Variants in PHACTR2 observed in about 807,000 individuals in gnomAD.
The protein encoded by PHACTR2 is phosphatase and actin regulator 2.
PHACTR2 carries 30 observed loss-of-function variants against 76.0 expected under a neutral mutation model. The observed-to-expected ratio is 0.39, with a 90% CI of 0.30 to 0.54. The LOEUF is 0.54. Ranked by LOEUF, PHACTR2 falls within the 20% of genes least tolerant of loss-of-function variation. The pLI, the probability that PHACTR2 is intolerant of heterozygous loss-of-function variation, is 0.61. For missense variants in PHACTR2, 696 were observed against 781.1 expected, an observed-to-expected ratio of 0.89 and a Z score of 1.30; for synonymous variants, 292 against 292.5, an observed-to-expected ratio of 1.00 and a Z score of 0.02.
chr6:143,587,740 G>A (rs552388302), intron 1 of PHACTR2, among the ~76,000 whole-genome samples: 2 of 152,096 alleles, frequency 1.3e-5, no homozygotes, highest in Non-Finnish European at 2.9e-5. Flanking sequence ...TTGGCCGGGC[G>A]CAGTGGCTCA....
chr6:143,814,564 G>A (rs1776256345), intron 12 of PHACTR2, among the ~76,000 whole-genome samples: 4 of 141,504 alleles, frequency 2.8e-5, no homozygotes, highest in Admixed American at 2.8e-4. Flanking sequence ...GAGGTCAACT[G>A]TATATACGTA....
intron 1 of PHACTR2, among the ~76,000 whole-genome samples, chr6:143,640,148 A>G (rs1376757342): frequency 6.6e-6 from 1 of 152,262 alleles, no homozygotes; most frequent in African/African-American, 2.4e-5. Context: ...CTGCACTGCC[A>G]GTTGTATATA....
At chr6:143,736,903 A>G (rs1307153104) in intron 2 of PHACTR2, among the ~76,000 whole-genome samples, 1 of 151,772 alleles carries the variant, frequency 6.6e-6, no homozygotes, top group East Asian at 1.9e-4. Flanking sequence ...CCTAACGTCT[A>G]TTCATGCTAG....
At chr6:143,565,146 C>T (rs1219752932) in intron 1 of PHACTR2, among the ~76,000 whole-genome samples, 1 of 152,196 alleles carries the variant, frequency 6.6e-6, no homozygotes, top group African/African-American at 2.4e-5. Context: ...TTAATGAGCA[C>T]CTACTGCATG....
chr6:143,718,830 G>A (rs1241956074), intron 2 of PHACTR2, among the ~76,000 whole-genome samples: 2 of 149,732 alleles, frequency 1.3e-5, no homozygotes, highest in Non-Finnish European at 3.0e-5. Flanking sequence ...ACAGCATTTT[G>A]ATTTTGCTTG....
At chr6:143,629,252 C>T (rs1383978989) in intron 1 of PHACTR2, among the ~76,000 whole-genome samples, 2 of 151,944 alleles carry the variant, frequency 1.3e-5, no homozygotes, top group Non-Finnish European at 2.9e-5. Context: ...AAGAGATAGA[C>T]ATCTAACCAC....
intron 1 of PHACTR2, among the ~76,000 whole-genome samples, chr6:143,566,274 A>G (rs1292080323): frequency 6.6e-6 from 1 of 151,212 alleles, no homozygotes; most frequent in East Asian, 2.0e-4. Flanking sequence ...AGTTTATTTT[A>G]TTATTATCAT....
intron 1 of PHACTR2, among the ~76,000 whole-genome samples, chr6:143,651,032 T>G (rs1250158017): frequency 6.6e-6 from 1 of 151,642 alleles, no homozygotes; most frequent in Non-Finnish European, 1.5e-5. Context: ...GCAAAGGACA[T>G]GAACAGACAC....
At chr6:143,676,040 A>T (rs1262545749), upstream of PHACTR2, among the ~76,000 whole-genome samples, 3 of 152,214 alleles carry the variant, frequency 2.0e-5, no homozygotes, top group Non-Finnish European at 4.4e-5. The surrounding 1 kb of genome is among the most constrained non-coding windows in gnomAD (Gnocchi z 4.8). Flanking sequence ...GAAGCTCTAG[A>T]AACCAAGAAC....
At position 143,821,654 on chromosome 6, in the gene PHACTR2, CAG is replaced by C. The variant is rs1776420370; in HGVS notation, c.1923-2017_1923-2016del. ...TGGAGAAAAGAGTTTGGAGAACTCA[CAG>C]AGTGAGACTGCATAAAGCGCAGATG... On this transcript the variant is annotated intron_variant, in intron 12 of 12. Transcript: ENST00000440869. The surrounding 1 kb of genome is among the most constrained non-coding windows in gnomAD (Gnocchi z 5.2). 5.3e-5 allele frequency among the ~76,000 whole-genome samples: 8 copies of C among 152,306 alleles called. No homozygotes were observed. The highest frequency in any genetic ancestry group is 4.6e-4 in the Admixed American group (7 of 15,300).
In PHACTR2 at chr6:143,811,384, T is replaced by A. The variant is rs1776171342; in HGVS notation, c.1922+4251T>A. ...TTTTCACCCTCAAAATTCTATTGGC[T>A]ATTTTTTTTATTTACTCATCTAGAG... is the stretch of plus-strand genomic sequence containing the variant. On this transcript the variant is annotated intron_variant, in intron 12 of 12. Coordinates refer to ENST00000440869, the MANE Select transcript of PHACTR2 (RefSeq NM_001100164.2). This position sits in a 1 kb window ranked among gnomAD's most constrained non-coding sequence, Gnocchi z 4.1. 6.6e-6 allele frequency among the ~76,000 whole-genome samples: 1 copy of A among 152,216 alleles called. No individual in the cohort carries two copies. Among genetic ancestry groups the A allele is most frequent in the Non-Finnish European group, 1.5e-5 (1 of 68,026 alleles).
chr6:143,570,176 C>T lies in PHACTR2; in HGVS notation c.217+32969C>T, dbSNP rs1389175284. Among the ~76,000 whole-genome samples, 1 of 149,514 alleles carries T rather than the reference C, an allele frequency of 6.7e-6. No homozygotes were observed. Among genetic ancestry groups the T allele is most frequent in the Admixed American group, 6.7e-5 (1 of 14,872 alleles). On this transcript the variant is annotated intron_variant, in intron 1 of 11. Transcript: ENST00000367584. This position sits in a 1 kb window ranked among gnomAD's most constrained non-coding sequence, Gnocchi z 4.6. ...TCAGATTTAACCAAAGATCAGCATT[C>T]GTGGCATCATAACATTTAAGAATTT... is the stretch of plus-strand genomic sequence containing the variant.
chr6:143,563,379 A>G (rs1311738258), intron 1 of PHACTR2, among the ~76,000 whole-genome samples: 4 of 140,676 alleles, frequency 2.8e-5, no homozygotes, highest in African/African-American at 7.8e-5. Context: ...CCTTGCGAAC[A>G]TGGTGAAACC....
At chr6:143,643,109 A>G (rs1367533160) in intron 1 of PHACTR2, among the ~76,000 whole-genome samples, 5 of 152,228 alleles carry the variant, frequency 3.3e-5, no homozygotes. Flanking sequence ...TAGTGCATAT[A>G]TAATAATGAA....
chr6:143,696,550 G>A lies in PHACTR2; in HGVS notation c.47-15466G>A, dbSNP rs1777773733. 6.6e-6 allele frequency among the ~76,000 whole-genome samples: 1 copy of A among 152,150 alleles called. No individual in the cohort carries two copies. Among genetic ancestry groups the A allele is most frequent in the Non-Finnish European group, 1.5e-5 (1 of 68,042 alleles). On this transcript the variant is annotated intron_variant, in intron 1 of 12. Transcript: ENST00000440869. This position sits in a 1 kb window ranked among gnomAD's most constrained non-coding sequence, Gnocchi z 4.1. ...TACCCCATTCTACAGATGAGGAAGGGACTCTGAAAGGTTGAATTACAGACC... is the reference window on the plus strand; with the variant it reads ...TACCCCATTCTACAGATGAGGAAGGAACTCTGAAAGGTTGAATTACAGACC...
rs914451658 is a variant in PHACTR2, at chr6:143,761,447, T to G, written c.694+807T>G. Among the ~76,000 whole-genome samples the G allele has an allele frequency of 6.6e-6, 1 of 152,126 alleles. No homozygotes were observed. The highest frequency in any genetic ancestry group is 2.4e-5 in the African/African-American group (1 of 41,414). ...GGAAGAAAGATGCCTACCATGTCATTTATCTTTTAAAAGGACATTAATCAG... is the reference window on the plus strand; with the variant it reads ...GGAAGAAAGATGCCTACCATGTCATGTATCTTTTAAAAGGACATTAATCAG... On this transcript the variant is annotated intron_variant, in intron 5 of 12. Transcript: ENST00000440869. This position sits in a 1 kb window ranked among gnomAD's most constrained non-coding sequence, Gnocchi z 5.2.
chr6:143,617,624 TCTCCCTCCTTC>T lies in PHACTR2; in HGVS notation c.13+9311_13+9321del, dbSNP rs1582703956. Among the ~76,000 whole-genome samples the T allele has an allele frequency of 6.6e-6, 1 of 152,132 alleles. No homozygotes were observed. The highest frequency in any genetic ancestry group is 2.4e-5 in the African/African-American group (1 of 41,422). ...CTTTCTCTCTTTTCTTTCCCCTTTC[TCTCCCTCCTTC>T]CTCCCTCCAGTCTAGCAGGCCAGTC... On this transcript the variant is annotated intron_variant, in intron 1 of 11. Transcript: ENST00000305766. This position sits in a 1 kb window ranked among gnomAD's most constrained non-coding sequence, Gnocchi z 4.8.
intron 3 of PHACTR2, among the ~76,000 whole-genome samples, chr6:143,749,342 T>A (rs1300763511): frequency 6.6e-6 from 1 of 152,224 alleles, no homozygotes; most frequent in South Asian, 2.1e-4. Context: ...ACAGATGAGA[T>A]ACAAATGCTT....
In PHACTR2 at chr6:143,654,896, G is replaced by A. The variant is rs554822796; in HGVS notation, c.13+46574G>A. On this transcript the variant is annotated intron_variant, in intron 1 of 11. Transcript: ENST00000305766. This position sits in a 1 kb window ranked among gnomAD's most constrained non-coding sequence, Gnocchi z 4.6. ...ATGCTAGCCGGGCACTGTGGCTCACGCCTGTAATCCCAGCACTTTGGGAGG... is the reference window on the plus strand; with the variant it reads ...ATGCTAGCCGGGCACTGTGGCTCACACCTGTAATCCCAGCACTTTGGGAGG... Among the ~76,000 whole-genome samples the A allele has an allele frequency of 8.5e-5, 13 of 152,066 alleles. No homozygotes were observed. In the South Asian group the frequency reaches 2.3e-3, roughly 27 times the overall value.
Sources: gnomAD v4.1 joint callset for allele counts (sites outside exome capture counted in the v4.1 genomes callset) on GRCh38, gnomAD v4.1.1 for gene constraint, Gnocchi (gnomAD v3.1) non-coding constraint, MANE v1.5 for transcripts, NCBI Gene and HGNC (gene_info 2026-07-23, HGNC 2026-07-21) for gene names.